PTPN20: variants seen among roughly 807,000 people sequenced by gnomAD.
PTPN20 encodes protein tyrosine phosphatase non-receptor type 20, also known as tyrosine-protein phosphatase non-receptor type 20.
A neutral mutation model predicts 35.0 loss-of-function variants in PTPN20; 9 were observed. That is an observed-to-expected ratio of 0.26 (90% confidence interval 0.15 to 0.45). PTPN20 has a LOEUF of 0.45. Ranked by LOEUF, PTPN20 falls within the 20% of genes least tolerant of loss-of-function variation. PTPN20 has a pLI of 1.00. For synonymous variants in PTPN20, 32 were observed against 100.2 expected (o/e 0.32, Z 4.06); for missense variants, 111 against 312.5 (o/e 0.36, Z 4.86).
rs960783336 is a variant in PTPN20, at chr10:46,997,280, G to A, written c.1135-2632G>A. Among the ~76,000 whole-genome samples the A allele has an allele frequency of 9.5e-3, 1,443 of 151,518 alleles. 17 individuals are homozygous for A. Among genetic ancestry groups the A allele is most frequent in the African/African-American group, 0.033 (1,375 of 41,346 alleles). ...GTTTCCACATATTCATTGCTAGTAC[G>A]TAGAAATTTAATTGATTTTCATTTG... On this transcript the variant is annotated intron_variant, in intron 9 of 10. Transcript: ENST00000374339.
intron 9 of PTPN20, among the ~76,000 whole-genome samples, chr10:46,996,819 C>G (rs2059179548): frequency 6.6e-6 from 1 of 152,140 alleles, no homozygotes; most frequent in African/African-American, 2.4e-5. Context: ...GTTCCGTATT[C>G]TGTTCTATTG....
At chr10:46,977,499 T>C (rs1459210722) in intron 7 of PTPN20, among the ~76,000 whole-genome samples, 15 of 152,030 alleles carry the variant, frequency 9.9e-5, no homozygotes, top group African/African-American at 3.1e-4. Context: ...GTGAATAGAG[T>C]ATTAATAATT....
intron 5 of PTPN20, chr10:46,947,869 T>A: frequency 5.3e-6 from 2 of 377,650 alleles, no homozygotes; most frequent in Non-Finnish European, 5.1e-6. Flanking sequence ...AAGGACACTG[T>A]GTTGCTTCCA....
intron 2 of PTPN20, among the ~76,000 whole-genome samples, chr10:46,938,859 G>C (rs2042556943): frequency 8.7e-6 from 1 of 114,660 alleles, no homozygotes; most frequent in Non-Finnish European, 1.7e-5. Context: ...CCTATTTTCT[G>C]GTTGGTTGTG....
rs782166075 is a variant in PTPN20 at position 46,999,970 on chromosome 10, C to T, written c.1193C>T (p.Thr398Met). Residue 398 changes from threonine to methionine, a missense_variant, in exon 10 of 11, where the codon ACG becomes ATG. Thr to Met is a moderately conservative substitution (Grantham distance 81). Around this residue, in one of 5 missense-constraint regions of PTPN20, gnomAD observed 61 missense variants for 54.3 expected, o/e 1.12. Coordinates refer to ENST00000374339, the MANE Select transcript of PTPN20 (RefSeq NM_001042357.5). ...GAACAACGTTCTGGCATGGTTCAAACGAAGGTAAGCTTTCACCACATACAT... is the reference window on the plus strand; with the variant it reads ...GAACAACGTTCTGGCATGGTTCAAATGAAGGTAAGCTTTCACCACATACAT... ...MREQRSGMVQ[T>M]KEQYHFCYDI... 33 of 1,613,530 alleles carry T rather than the reference C, an allele frequency of 2.0e-5. No individual in the cohort carries two copies. Among genetic ancestry groups the T allele is most frequent in the East Asian group, 2.2e-5 (1 of 44,882 alleles).
At chr10:46,928,458 C>T (rs1392847632) in intron 1 of PTPN20, among the ~76,000 whole-genome samples, 1 of 152,062 alleles carries the variant, frequency 6.6e-6, no homozygotes, top group African/African-American at 2.4e-5. Context: ...GGTTTTCCTT[C>T]TTCCTTCCCA....
At chr10:46,996,958 G>A (rs2059217179) in intron 9 of PTPN20, among the ~76,000 whole-genome samples, 1 of 152,118 alleles carries the variant, frequency 6.6e-6, no homozygotes, top group Admixed American at 6.6e-5. Context: ...AGCTATCCTA[G>A]GGTCTGTGCT....
intron 5 of PTPN20, among the ~76,000 whole-genome samples, chr10:46,948,286 G>A (rs1156612159): frequency 2.0e-4 from 31 of 151,396 alleles, no homozygotes; most frequent in Admixed American, 1.9e-3. Flanking sequence ...GTTAATGATA[G>A]TTATTTAAAA....
intron 9 of PTPN20, among the ~76,000 whole-genome samples, chr10:46,995,190 C>T (rs2058822489): frequency 6.6e-6 from 1 of 151,972 alleles, no homozygotes; most frequent in Admixed American, 6.5e-5. Flanking sequence ...TCTGGATGTG[C>T]AAGAAATATA....
intron 10 of PTPN20, 57 bp from the exon 11 acceptor site, chr10:47,000,619 T>C (rs1382610831): frequency 5.0e-6 from 8 of 1,595,618 alleles, no homozygotes; most frequent in Non-Finnish European, 6.9e-6. Context: ...TTTCTGAAAG[T>C]GGATTCTGTT....
At position 46,937,540 on chromosome 10, in the gene PTPN20, G is replaced by A. The variant is rs1339034649; in HGVS notation, c.35-3083G>A. 5.3e-5 allele frequency among the ~76,000 whole-genome samples: 8 copies of A among 150,212 alleles called. No individual in the cohort carries two copies. The East Asian group carries it at 1.0e-3, about 19-fold the overall frequency. The stretch of plus-strand genomic sequence containing the variant: ...TGAGTCTGTTCAGTCTCTTTTTTTC[G>A]CTACTGTGCGCTTCATTTTGGATAT... On this transcript the variant is annotated intron_variant, in intron 2 of 10. Coordinates refer to ENST00000374339, the MANE Select transcript of PTPN20 (RefSeq NM_001042357.5).
At chr10:46,926,651 G>T (rs2037507214) in intron 1 of PTPN20, among the ~76,000 whole-genome samples, 1 of 150,800 alleles carries the variant, frequency 6.6e-6, no homozygotes, top group Admixed American at 6.6e-5. Flanking sequence ...TCAACGATTG[G>T]ATAGAAGGAT....
At chr10:46,929,770 G>T (rs2038966039) in intron 1 of PTPN20, among the ~76,000 whole-genome samples, 2 of 148,062 alleles carry the variant, frequency 1.4e-5, no homozygotes, top group South Asian at 2.1e-4. Context: ...AGCTTGAGGG[G>T]AGGTGGGAAA....
chr10:47,000,676 G>T lies in PTPN20; in HGVS notation c.1198G>T (p.Glu400Ter). The change falls in exon 11 of 11, where the codon GAG becomes TAG. Residue 400 changes from glutamate (E) to a stop codon, truncating the protein, a stop_gained and splice_region_variant. Coordinates refer to ENST00000374339, the MANE Select transcript of PTPN20 (RefSeq NM_001042357.5). LOFTEE classifies it high-confidence loss of function. ...TTGTTTTTTATATATATGTATATAGGAGCAGTATCACTTTTGTTACGATAT... is the reference window on the plus strand; with the variant it reads ...TTGTTTTTTATATATATGTATATAGTAGCAGTATCACTTTTGTTACGATAT... ...EQRSGMVQTK[E>*]QYHFCYDIVL... The T allele has an allele frequency of 6.2e-7, 1 of 1,613,368 alleles. No individual in the cohort carries two copies. Among genetic ancestry groups the T allele is most frequent in the Non-Finnish European group, 8.5e-7 (1 of 1,179,474 alleles).
intron 9 of PTPN20, among the ~76,000 whole-genome samples, chr10:46,992,984 G>A (rs1360490809): frequency 6.6e-6 from 1 of 152,120 alleles, no homozygotes; most frequent in Non-Finnish European, 1.5e-5. Context: ...GCTTTCAGAG[G>A]GCCAACACTC....
chr10:47,001,698 A>G lies in PTPN20; in HGVS notation c.*957A>G, dbSNP rs2060051255. The stretch of plus-strand genomic sequence containing the variant: ...TTCCATTAAATCATTTATTTCCTTT[A>G]CTTTCTCACCTCTGTTGAAACATTT... On this transcript the variant is annotated 3_prime_UTR_variant, in exon 11 of 11. Transcript: ENST00000374339. The G allele has an allele frequency of 6.6e-6, 1 of 151,792 alleles. No homozygotes were observed. 9.4% of individuals were successfully genotyped at this position (151,792 alleles called of 1,614,324 possible).
chr10:46,955,173 A>G (rs1229546411), intron 5 of PTPN20: 1 of 149,254 alleles, frequency 6.7e-6, no homozygotes, highest in Non-Finnish European at 1.5e-5. Context: ...GGACAACAGT[A>G]GTACAAGTAT....
downstream of PTPN20, chr10:47,002,333 T>C (rs1223100141): frequency 2.6e-5 from 4 of 152,160 alleles, no homozygotes; most frequent in African/African-American, 9.7e-5. Flanking sequence ...TTGCCTGAAG[T>C]ATTTTTATTT....
At chr10:46,945,424 A>G (rs1478678553) in intron 4 of PTPN20, among the ~76,000 whole-genome samples, 1 of 152,162 alleles carries the variant, frequency 6.6e-6, no homozygotes, top group Non-Finnish European at 1.5e-5. Flanking sequence ...AAGAAACCCG[A>G]ATTTTCTTAC....
Sources: gnomAD v4.1 joint callset for allele counts (sites outside exome capture counted in the v4.1 genomes callset) on GRCh38, gnomAD v4.1.1 for gene constraint, gnomAD v4.1.1 regional missense constraint, MANE v1.5 for transcripts, NCBI Gene and HGNC (gene_info 2026-07-23, HGNC 2026-07-21) for gene names.